ME2: variants seen among roughly 807,000 people sequenced by gnomAD.
The protein encoded by ME2 is NAD-dependent malic enzyme, mitochondrial.
A neutral mutation model predicts 73.7 loss-of-function variants in ME2; 60 were observed. The observed-to-expected ratio is 0.81, with a 90% CI of 0.66 to 1.01. The LOEUF (loss-of-function observed/expected upper bound fraction) is 1.01. Among genes scored for constraint, ME2 ranks in the 50% least tolerant of loss-of-function variants. The pLI, the probability that ME2 is intolerant of heterozygous loss-of-function variation, is 0.00. For synonymous variants in ME2, 199 were observed against 236.9 expected (o/e 0.84, Z 1.47); for missense variants, 594 against 705.5 (o/e 0.84, Z 1.79).
Position 50,947,065 on chromosome 18 carries a change from C to A in ME2, c.1636C>A (p.Pro546Thr), listed in dbSNP as rs765995662. 16 of 1,613,740 alleles carry A rather than the reference C, an allele frequency of 9.9e-6. No individual in the cohort carries two copies. The Admixed American group carries it at 2.7e-4, about 27-fold the overall frequency. The change falls in exon 16 of 16, where the codon CCT (proline) becomes ACT (threonine). Residue 546 changes from proline to threonine, a missense_variant. Pro to Thr is a conservative substitution (Grantham distance 38). Coordinates refer to ENST00000321341, the MANE Select transcript of ME2 (RefSeq NM_002396.5). ...ANKMAFRYPEPEDKAKYVKER... is the reference protein window; with the variant it reads ...ANKMAFRYPETEDKAKYVKER... ...TAAAATGGCTTTCCGATACCCAGAACCTGAAGACAAGGCCAAATATGTTAA... is the reference window on the plus strand; with the variant it reads ...TAAAATGGCTTTCCGATACCCAGAAACTGAAGACAAGGCCAAATATGTTAA...
chr18:50,918,702 CT>C (rs34143282), intron 7 of ME2, among the ~76,000 whole-genome samples: 157 of 141,698 alleles, frequency 1.1e-3, no homozygotes, highest in South Asian at 2.4e-3. Context: ...CCACCTTTCT[CT>C]TTTTTTTTTT....
chr18:50,911,256 C>T (rs138379823), intron 3 of ME2, among the ~76,000 whole-genome samples: 4 of 152,334 alleles, frequency 2.6e-5, no homozygotes, highest in African/African-American at 7.2e-5. Context: ...CTTCCCTATA[C>T]TGCAGAGAAG....
intron 15 of ME2, among the ~76,000 whole-genome samples, chr18:50,946,172 AG>A (rs1279102452): frequency 1.3e-5 from 2 of 152,132 alleles, no homozygotes; most frequent in African/African-American, 4.8e-5. Flanking sequence ...ACTGTGTGAG[AG>A]GTGCTGTGCT....
chr18:50,918,600 G>T (rs1331987485), intron 7 of ME2, among the ~76,000 whole-genome samples: 1 of 151,868 alleles, frequency 6.6e-6, no homozygotes, highest in Admixed American at 6.6e-5. Flanking sequence ...CTACCTCTTT[G>T]CACCGTCAAC....
chr18:50,915,884 G>GTGGT (rs981055273), intron 4 of ME2: 1 of 237,052 alleles, frequency 4.2e-6, no homozygotes, highest in African/African-American at 2.3e-5. Flanking sequence ...TTTTTTCCTG[G>GTGGT]TGGTGTATTG....
intron 15 of ME2, chr18:50,942,659 A>T: frequency 3.5e-6 from 1 of 289,714 alleles, no homozygotes. Context: ...AATATTTTTA[A>T]ATTTCTGTTT....
At chr18:50,917,987 G>A (rs1286249594) in intron 6 of ME2, 123 bp from the exon 7 acceptor site, 1 of 552,956 alleles carries the variant, frequency 1.8e-6, no homozygotes, top group East Asian at 3.2e-5. Context: ...AAAAAATAAA[G>A]TTTCTTGTAG....
At chr18:50,919,639 T>A (rs1335329306) in intron 7 of ME2, among the ~76,000 whole-genome samples, 1 of 152,176 alleles carries the variant, frequency 6.6e-6, no homozygotes, top group Non-Finnish European at 1.5e-5. Context: ...TGTCTTCGTA[T>A]CATAGTAGCC....
In ME2 at chr18:50,881,846, T is replaced by A. The variant is rs556620931; in HGVS notation, c.-13+2538T>A. Among the ~76,000 whole-genome samples, 3 of 152,322 alleles carry A rather than the reference T, an allele frequency of 2.0e-5. No individual in the cohort carries two copies. In the South Asian group the frequency reaches 6.2e-4, roughly 32 times the overall value. ...CACCTAGAGGGCATTGTGATAAGCA[T>A]CTTAATGAATTATCTAATTTAAATC... On this transcript the variant is annotated intron_variant, in intron 1 of 15. Coordinates refer to ENST00000321341, the MANE Select transcript of ME2 (RefSeq NM_002396.5).
At chr18:50,946,884 G>A (rs887346945) in intron 15 of ME2, 133 bp from the exon 16 acceptor site, 43 of 703,490 alleles carry the variant, frequency 6.1e-5, no homozygotes, top group Non-Finnish European at 7.9e-5. Context: ...AGGAGTCAAA[G>A]CAATGTTATT....
Position 50,941,353 on chromosome 18 carries a change from C to CTTTTTTTTTTTTTTT in ME2, c.1587+984_1587+998dup, listed in dbSNP as rs57428974. Among the ~76,000 whole-genome samples, 48 of 63,846 alleles carry CTTTTTTTTTTTTTTT rather than the reference C, an allele frequency of 7.5e-4. 14 individuals are homozygous for CTTTTTTTTTTTTTTT. Among genetic ancestry groups the CTTTTTTTTTTTTTTT allele is most frequent in the African/African-American group, 2.0e-3 (25 of 12,428 alleles). 41.9% of individuals were successfully genotyped at this position (63,846 alleles called of 152,430 possible). ...TCTTTGTGTGTATTTGTGATGGTTT[C>CTTTTTTTTTTTTTTT]TTTTTTTTTTTTTTTTTTTTTTTTT... On this transcript the variant is annotated intron_variant, in intron 15 of 15. Transcript: ENST00000321341.
intron 15 of ME2, among the ~76,000 whole-genome samples, chr18:50,946,700 G>A (rs1918091399): frequency 6.6e-6 from 1 of 152,182 alleles, no homozygotes; most frequent in Non-Finnish European, 1.5e-5. Flanking sequence ...CAAGTTGGCT[G>A]TGATTAGGAA....
chr18:50,928,291 G>T (rs1917612038), intron 12 of ME2, among the ~76,000 whole-genome samples: 1 of 150,322 alleles, frequency 6.7e-6, no homozygotes. Context: ...TGTTGCCCAG[G>T]CTAGAGTGCA....
chr18:50,893,676 G>C (rs1330789108), intron 1 of ME2, among the ~76,000 whole-genome samples: 3 of 152,174 alleles, frequency 2.0e-5, no homozygotes, highest in Admixed American at 2.0e-4. Context: ...TTGTAGTTTT[G>C]TTCTACTGAC....
At chr18:50,908,288 T>A in intron 3 of ME2, 92 bp downstream of exon 3, 3 of 893,896 alleles carry the variant, frequency 3.4e-6, no homozygotes, top group Non-Finnish European at 4.9e-6. Flanking sequence ...AAATACACAA[T>A]CTTATATAAG....
chr18:50,899,379 G>A (rs547473311), intron 2 of ME2, among the ~76,000 whole-genome samples: 1 of 152,182 alleles, frequency 6.6e-6, no homozygotes, highest in South Asian at 2.1e-4. Context: ...TTGGGAGGCT[G>A]AGGTGGATTG....
chr18:50,890,859 C>T (rs1431415011), intron 1 of ME2, among the ~76,000 whole-genome samples: 1 of 152,198 alleles, frequency 6.6e-6, no homozygotes, highest in Non-Finnish European at 1.5e-5. Flanking sequence ...GCTATTACGA[C>T]TACGTCTGGA....
chr18:50,909,006 T>C (rs903545771), intron 3 of ME2, among the ~76,000 whole-genome samples: 2 of 148,292 alleles, frequency 1.3e-5, no homozygotes, highest in African/African-American at 5.0e-5. Context: ...CAGGCTGGAG[T>C]GCAGTGGCAC....
intron 12 of ME2, among the ~76,000 whole-genome samples, chr18:50,926,201 AATTT>A (rs1208591915): frequency 6.6e-6 from 1 of 152,140 alleles, no homozygotes; most frequent in Non-Finnish European, 1.5e-5. Flanking sequence ...CCTACACTTT[AATTT>A]ATTTATCACT....
Sources: allele counts gnomAD v4.1 joint callset (sites outside exome capture counted in the v4.1 genomes callset), GRCh38; gene constraint gnomAD v4.1.1; transcripts MANE v1.5; gene names NCBI Gene and HGNC (gene_info 2026-07-23, HGNC 2026-07-21).